The following MACROD2 variants were observed in gnomAD, a reference collection of about 807,000 sequenced individuals.
MACROD2 encodes mono-ADP ribosylhydrolase 2, also known as ADP-ribose glycohydrolase MACROD2.
MACROD2 carries 36 observed loss-of-function variants against 70.4 expected under a neutral mutation model. The ratio of observed to expected loss-of-function variants is 0.51; its 90% CI spans 0.39 to 0.68. The LOEUF (loss-of-function observed/expected upper bound fraction) is 0.68, where lower values mean the gene tolerates loss of function less well. Among genes scored for constraint, MACROD2 ranks in the 30% least tolerant of loss-of-function variants. The pLI, the probability that MACROD2 is intolerant of heterozygous loss-of-function variation, is 0.00. For missense variants in MACROD2, 496 were observed against 538.4 expected, an observed-to-expected ratio of 0.92 and a Z score of 0.78; for synonymous variants, 172 against 178.8, an observed-to-expected ratio of 0.96 and a Z score of 0.30.
chr20:14,141,278 A>G (rs2054869659), intron 3 of MACROD2, among the ~76,000 whole-genome samples: 1 of 152,236 alleles, frequency 6.6e-6, no homozygotes, highest in South Asian at 2.1e-4. Flanking sequence ...ATAGGAACAG[A>G]TGGGTAAAAC....
intron 12 of MACROD2, among the ~76,000 whole-genome samples, chr20:15,948,773 A>G (rs975952375): frequency 6.6e-6 from 1 of 152,186 alleles, no homozygotes; most frequent in Non-Finnish European, 1.5e-5. Context: ...TTTAATATGC[A>G]TATATTACTT....
intron 8 of MACROD2, among the ~76,000 whole-genome samples, chr20:15,831,689 T>C (rs1216451595): frequency 1.3e-5 from 2 of 152,036 alleles, no homozygotes; most frequent in Admixed American, 1.3e-4. Context: ...ATTGCTTGAA[T>C]TGTGCCCAGG....
At chr20:15,342,540 A>G (rs1568734920) in intron 6 of MACROD2, among the ~76,000 whole-genome samples, 1 of 152,190 alleles carries the variant, frequency 6.6e-6, no homozygotes, top group Non-Finnish European at 1.5e-5. Flanking sequence ...ATCACGGACA[A>G]AAATGTATGG....
intron 6 of MACROD2, among the ~76,000 whole-genome samples, chr20:15,352,330 C>A (rs2078236868): frequency 6.6e-6 from 1 of 152,078 alleles, no homozygotes; most frequent in African/African-American, 2.4e-5. Context: ...TTCTTGTAAT[C>A]AAGAGAGTGT....
chr20:15,281,726 A>G (rs1234919294), intron 6 of MACROD2, among the ~76,000 whole-genome samples: 1 of 152,140 alleles, frequency 6.6e-6, no homozygotes, highest in African/African-American at 2.4e-5. Flanking sequence ...TGGCTTCTCC[A>G]GGCCCACAGT....
chr20:14,910,913 C>A (rs1356392107), intron 5 of MACROD2, among the ~76,000 whole-genome samples: 1 of 152,156 alleles, frequency 6.6e-6, no homozygotes, highest in Admixed American at 6.5e-5. Flanking sequence ...ATAAGAATTT[C>A]ATTTTCAATC....
At chr20:15,734,853 T>C (rs556279946) in intron 8 of MACROD2, among the ~76,000 whole-genome samples, 1 of 152,356 alleles carries the variant, frequency 6.6e-6, no homozygotes, top group Non-Finnish European at 1.5e-5. Flanking sequence ...CTTTCCATTA[T>C]GATAGCAAAA....
intron 5 of MACROD2, chr20:14,757,601 C>A: frequency 8.8e-7 from 1 of 1,139,750 alleles, no homozygotes; most frequent in Non-Finnish European, 1.3e-6. Context: ...CCATTTATGA[C>A]TCCTTTTTAA....
At chr20:15,252,298 C>T (rs1368143894) in intron 6 of MACROD2, among the ~76,000 whole-genome samples, 1 of 152,178 alleles carries the variant, frequency 6.6e-6, no homozygotes, top group African/African-American at 2.4e-5. Flanking sequence ...TAGTTTAATC[C>T]TGTACCAGTC....
chr20:14,699,324 T>G (rs1767911089), intron 5 of MACROD2, among the ~76,000 whole-genome samples: 1 of 152,218 alleles, frequency 6.6e-6, no homozygotes, highest in South Asian at 2.1e-4. Context: ...TACAACTTGC[T>G]TAAATGTTGT....
At chr20:14,111,743 CT>C (rs2054453546) in intron 3 of MACROD2, among the ~76,000 whole-genome samples, 1 of 151,902 alleles carries the variant, frequency 6.6e-6, no homozygotes, top group East Asian at 1.9e-4. Flanking sequence ...AAAAGGGAAC[CT>C]TTGTACACTG....
intron 3 of MACROD2, among the ~76,000 whole-genome samples, chr20:14,426,926 C>T (rs1044297605): frequency 1.3e-5 from 2 of 152,094 alleles, no homozygotes; most frequent in African/African-American, 4.8e-5. Flanking sequence ...GTATAAGATC[C>T]AGGGATGCAA....
intron 11 of MACROD2, among the ~76,000 whole-genome samples, chr20:15,934,500 A>C (rs1601163457): frequency 6.7e-6 from 1 of 150,236 alleles, no homozygotes; most frequent in African/African-American, 2.5e-5. Flanking sequence ...ACCCTCCCCC[A>C]CCCCCAACCC....
At chr20:14,325,812 A>G (rs570481773) in intron 3 of MACROD2, 17 of 1,613,778 alleles carry the variant, frequency 1.1e-5, no homozygotes, top group Admixed American at 1.0e-4. Flanking sequence ...TCCCTTTGCT[A>G]TATGCACAGT....
chr20:15,818,016 G>A (rs1330540434), intron 8 of MACROD2, among the ~76,000 whole-genome samples: 1 of 152,030 alleles, frequency 6.6e-6, no homozygotes, highest in East Asian at 1.9e-4. Context: ...CTTCCTTCAT[G>A]CCTTGGGGAA....
chr20:14,211,084 T>C (rs192940912), intron 3 of MACROD2, among the ~76,000 whole-genome samples: 1 of 152,322 alleles, frequency 6.6e-6, no homozygotes, highest in East Asian at 1.9e-4. Flanking sequence ...TGCATGGTTT[T>C]ACAAGATGAG....
At chr20:14,880,623 C>T (rs2073600252) in intron 5 of MACROD2, among the ~76,000 whole-genome samples, 1 of 152,180 alleles carries the variant, frequency 6.6e-6, no homozygotes, top group African/African-American at 2.4e-5. Flanking sequence ...CAGAAGAATT[C>T]ATGCATTTAG....
chr20:15,155,383 T>C (rs2076299946), intron 5 of MACROD2, among the ~76,000 whole-genome samples: 1 of 152,194 alleles, frequency 6.6e-6, no homozygotes, highest in Admixed American at 6.5e-5. Flanking sequence ...CTTTATACTC[T>C]AGTGGGACCC....
intron 3 of MACROD2, among the ~76,000 whole-genome samples, chr20:14,236,160 C>T (rs1288684165): frequency 6.6e-6 from 1 of 151,938 alleles, no homozygotes; most frequent in Non-Finnish European, 1.5e-5. Flanking sequence ...GAAATCAAAT[C>T]CAGACTGCTT....
Sources: gnomAD v4.1 joint callset for allele counts (sites outside exome capture counted in the v4.1 genomes callset) on GRCh38, gnomAD v4.1.1 for gene constraint, MANE v1.5 for transcripts, NCBI Gene and HGNC (gene_info 2026-07-23, HGNC 2026-07-21) for gene names.